The following FAM13C variants were observed in gnomAD, a reference collection of about 807,000 sequenced individuals.
FAM13C encodes the protein protein FAM13C.
Under a neutral mutation model 73.2 loss-of-function variants are expected in FAM13C, and 37 were observed. The observed-to-expected ratio is 0.51, with a 90% CI of 0.39 to 0.67. The LOEUF (loss-of-function observed/expected upper bound fraction) is 0.67. Ranked by LOEUF, FAM13C falls within the 30% of genes least tolerant of loss-of-function variation. The pLI is 0.00. For missense variants in FAM13C, 589 were observed against 715.6 expected, an observed-to-expected ratio of 0.82 and a Z score of 2.02; for synonymous variants, 246 against 260.9, an observed-to-expected ratio of 0.94 and a Z score of 0.55.
intron 3 of FAM13C, among the ~76,000 whole-genome samples, chr10:59,339,728 C>T (rs1394235870): frequency 6.6e-6 from 1 of 152,018 alleles, no homozygotes; most frequent in Non-Finnish European, 1.5e-5. Flanking sequence ...ATAGTTTTGC[C>T]CCAAAAGGGA....
intron 4 of FAM13C, chr10:59,323,608 A>C (rs1293905574): frequency 4.1e-6 from 1 of 242,048 alleles, no homozygotes; most frequent in Non-Finnish European, 8.1e-6. Flanking sequence ...ACTACGTAAA[A>C]ATCAGTTGCT....
At chr10:59,287,871 A>G (rs1395340416) in intron 5 of FAM13C, among the ~76,000 whole-genome samples, 2 of 152,220 alleles carry the variant, frequency 1.3e-5, no homozygotes, top group Admixed American at 6.5e-5. Context: ...AAGGCTGTAC[A>G]CTACACTGAC....
chr10:59,352,904 G>C (rs900177547), intron 2 of FAM13C, among the ~76,000 whole-genome samples: 1 of 152,130 alleles, frequency 6.6e-6, no homozygotes, highest in African/African-American at 2.4e-5. Context: ...AGACCCAGAG[G>C]CCTCATGTGG....
intron 10 of FAM13C, among the ~76,000 whole-genome samples, chr10:59,259,336 A>G (rs1230940065): frequency 6.6e-6 from 1 of 152,148 alleles, no homozygotes; most frequent in East Asian, 1.9e-4. Context: ...TTTAATATTT[A>G]ATGCATTTTC....
In FAM13C at chr10:59,257,997, CTT is replaced by C. The variant is rs1195767552; in HGVS notation, c.1237-3556_1237-3555del. 2.6e-5 allele frequency among the ~76,000 whole-genome samples: 4 copies of C among 152,214 alleles called. No individual in the cohort carries two copies. The South Asian group carries it at 6.2e-4, about 24-fold the overall frequency. ...TTATTTGAGCTTTCAAACTAGTTGA[CTT>C]GATGTTAATGTCAATGCTATCCATT... On this transcript the variant is annotated intron_variant, in intron 10 of 13. Coordinates refer to ENST00000618804, the MANE Select transcript of FAM13C (RefSeq NM_198215.4).
Position 59,301,615 on chromosome 10 carries a change from A to C in FAM13C, c.507+1186T>G, listed in dbSNP as rs144333270. ...ACTCTTACAATCACCTCATTTTTCT[A>C]GTCACTTATGTCAAAACAAAGCTTT... On this transcript the variant is annotated intron_variant, in intron 5 of 13. Transcript: ENST00000618804. Among the ~76,000 whole-genome samples the C allele has an allele frequency of 5.9e-5, 9 of 152,344 alleles. No homozygotes were observed. In the East Asian group the frequency reaches 1.7e-3, roughly 29 times the overall value.
At chr10:59,362,276 C>G in intron 1 of FAM13C, 123 bp downstream of exon 1, 1 of 1,370,858 alleles carries the variant, frequency 7.3e-7, no homozygotes. Context: ...CTTCACAGCC[C>G]CAGATTCCGG....
At chr10:59,276,542 G>A (rs975889313) in intron 6 of FAM13C, among the ~76,000 whole-genome samples, 7 of 152,154 alleles carry the variant, frequency 4.6e-5, no homozygotes, top group African/African-American at 9.6e-5. Context: ...GAGGATGAGA[G>A]AGTAAATAAC....
chr10:59,264,614 C>T (rs976310465), intron 8 of FAM13C, among the ~76,000 whole-genome samples: 6 of 152,146 alleles, frequency 3.9e-5, no homozygotes, highest in Non-Finnish European at 5.9e-5. Flanking sequence ...CACACACATG[C>T]TTATGACCAT....
At chr10:59,330,256 G>A (rs1851799492) in intron 3 of FAM13C, among the ~76,000 whole-genome samples, 1 of 152,122 alleles carries the variant, frequency 6.6e-6, no homozygotes, top group Non-Finnish European at 1.5e-5. Context: ...CTGAGCTAGA[G>A]CACCCAGTTC....
At chr10:59,316,472 G>C (rs1278159058) in intron 4 of FAM13C, among the ~76,000 whole-genome samples, 5 of 152,168 alleles carry the variant, frequency 3.3e-5, no homozygotes, top group Admixed American at 6.5e-5. Flanking sequence ...AAAGGAAATA[G>C]AGTCATGTAT....
intron 5 of FAM13C, among the ~76,000 whole-genome samples, chr10:59,294,230 C>A (rs1031854772): frequency 4.6e-5 from 7 of 152,148 alleles, no homozygotes; most frequent in Non-Finnish European, 1.0e-4. Flanking sequence ...GACACAGTTC[C>A]TTCCAGCCTT....
At chr10:59,314,281 T>A (rs371260777) in intron 4 of FAM13C, among the ~76,000 whole-genome samples, 22 of 152,150 alleles carry the variant, frequency 1.4e-4, no homozygotes, top group East Asian at 9.6e-4. Flanking sequence ...AATAGCAACA[T>A]TAATCTTCCG....
chr10:59,322,691 C>G (rs1315520929), intron 4 of FAM13C, among the ~76,000 whole-genome samples: 2 of 152,038 alleles, frequency 1.3e-5, no homozygotes, highest in Non-Finnish European at 2.9e-5. Flanking sequence ...TTTTGTTTTG[C>G]TTTTATATTA....
At chr10:59,323,714 G>T (rs140259678) in intron 4 of FAM13C, among the ~76,000 whole-genome samples, 33 of 152,266 alleles carry the variant, frequency 2.2e-4, no homozygotes, top group African/African-American at 7.2e-4. Flanking sequence ...GATGAAATCA[G>T]CATTCCTCTC....
chr10:59,355,682 A>G (rs898298192), intron 2 of FAM13C, among the ~76,000 whole-genome samples: 19 of 152,192 alleles, frequency 1.2e-4, no homozygotes, highest in African/African-American at 3.6e-4. Flanking sequence ...CCCACAGGTA[A>G]GGTACTGTCC....
intron 4 of FAM13C, among the ~76,000 whole-genome samples, chr10:59,311,717 G>A (rs756558272): frequency 2.4e-4 from 37 of 152,166 alleles, no homozygotes; most frequent in African/African-American, 7.2e-4. Flanking sequence ...GGAGCAGCCC[G>A]CAGCCGGAAG....
At chr10:59,330,050 A>C (rs1261841407) in intron 3 of FAM13C, among the ~76,000 whole-genome samples, 1 of 152,220 alleles carries the variant, frequency 6.6e-6, no homozygotes, top group Non-Finnish European at 1.5e-5. Context: ...TCCATTCACC[A>C]GCTAGTGTGG....
At chr10:59,319,072 A>AACACACACACAC (rs59965630) in intron 4 of FAM13C, among the ~76,000 whole-genome samples, 2 of 134,574 alleles carry the variant, frequency 1.5e-5, no homozygotes, top group African/African-American at 2.8e-5. Context: ...TAGCTATTCA[A>AACACACACACAC]ACACACACAC....
Sources: allele counts gnomAD v4.1 joint callset (sites outside exome capture counted in the v4.1 genomes callset), GRCh38; gene constraint gnomAD v4.1.1; transcripts MANE v1.5; gene names NCBI Gene and HGNC (gene_info 2026-07-23, HGNC 2026-07-21).